The following PODNL1 variants were observed in gnomAD, a reference collection of about 807,000 sequenced individuals.
PODNL1 encodes podocan-like protein 1.
PODNL1 carries 50 observed loss-of-function variants against 45.1 expected under a neutral mutation model. The ratio of observed to expected loss-of-function variants is 1.11; its 90% CI spans 0.88 to 1.40. PODNL1 has a LOEUF of 1.40. Among genes scored for constraint, PODNL1 ranks in the 40% most tolerant of loss-of-function variants. The pLI is 0.00. For missense variants in PODNL1, 788 were observed against 793.3 expected (o/e 0.99, Z 0.08); for synonymous variants, 406 against 372.5 (o/e 1.09, Z -1.04).
In PODNL1 at chr19:13,932,043, G is replaced by T; in HGVS notation, c.1495C>A (p.His499Asn). The T allele has an allele frequency of 4.1e-6, 5 of 1,232,438 alleles. No homozygotes were observed. Among genetic ancestry groups the T allele is most frequent in the Non-Finnish European group, 5.1e-6 (5 of 988,156 alleles). 76.3% of individuals were successfully genotyped at this position (1,232,438 alleles called of 1,614,324 possible). A position where few individuals can be genotyped will look rare whatever the true frequency, so the allele number is the denominator to read the frequency against. The change falls in exon 9 of 10, where the codon CAC (histidine) becomes AAC (asparagine). Residue 499 changes from histidine to asparagine, a missense_variant. This residue lies in a region of PODNL1 where 762 missense variants were observed against 750.9 expected (regional missense o/e 1.01). Coordinates refer to ENST00000588872, the MANE Select transcript of PODNL1 (RefSeq NM_001370095.3). ...TGGCCGATGCGGTTGCCCTCGAGGT[G>T]CAGCTCCTCTAGGGCCTCAGGCAGG... ...PDLPEALEEL[H>N]LEGNRIGHVG...
Position 13,937,959 on chromosome 19 carries a change from G to A in PODNL1, c.51C>T (p.Val17=), listed in dbSNP as rs553770114. 2.5e-5 allele frequency: 39 copies of A among 1,542,274 alleles called. No homozygotes were observed. The African/African-American group carries it at 2.6e-4, about 10-fold the overall frequency. ...LLLLLPGPPP[V]AGLEDAAFPH... ...GGAAGGCAGCGTCTTCCAAGCCGGC[G>A]ACGGGCGGGGGCCCCGGCAACAGCA... The change falls in exon 2 of 10, where the codon GTC becomes GTT. Residue 17 remains valine, a synonymous_variant. Coordinates refer to ENST00000588872, the MANE Select transcript of PODNL1 (RefSeq NM_001370095.3).
upstream of PODNL1, among the ~76,000 whole-genome samples, chr19:13,943,087 G>A (rs539971252): frequency 7.2e-4 from 109 of 151,862 alleles, no homozygotes; most frequent in Admixed American, 2.3e-3. Flanking sequence ...ACCTGAGGTC[G>A]GGAGTTTGAG....
intron 1 of PODNL1, among the ~76,000 whole-genome samples, chr19:13,946,003 A>C (rs1165628494): frequency 6.6e-6 from 1 of 151,822 alleles, no homozygotes; most frequent in East Asian, 1.9e-4. Flanking sequence ...GTGCCACTGC[A>C]CTCCAACTTG....
chr19:13,941,536 C>A (rs1028383013), upstream of PODNL1, among the ~76,000 whole-genome samples: 1 of 151,424 alleles, frequency 6.6e-6, no homozygotes, highest in East Asian at 2.0e-4. Flanking sequence ...AGTGGCTGGG[C>A]GCAGTGGCCC....
chr19:13,948,817 G>A (rs981598514), intron 1 of PODNL1, among the ~76,000 whole-genome samples: 30 of 144,244 alleles, frequency 2.1e-4, no homozygotes, highest in Non-Finnish European at 3.9e-4. Context: ...GGTGGCAGGC[G>A]CCTGTAGTCC....
chr19:13,951,808 G>A (rs1310433364), intron 1 of PODNL1, among the ~76,000 whole-genome samples: 1 of 152,180 alleles, frequency 6.6e-6, no homozygotes, highest in Admixed American at 6.6e-5. Context: ...ATACGAATAT[G>A]ATGCACGGAG....
chr19:13,944,219 G>A lies in PODNL1; in HGVS notation c.19-6213C>T, dbSNP rs146333961. Among the ~76,000 whole-genome samples, 824 of 152,080 alleles carry A rather than the reference G, an allele frequency of 5.4e-3. 7 individuals carry two copies. The highest frequency in any genetic ancestry group is 0.019 in the African/African-American group (772 of 41,472). ...CTGTCACCCAGGCTGGAGTGCAGTG[G>A]CGCAATCTCGGCGGCTCACTGCAAG... On this transcript the variant is annotated intron_variant, in intron 1 of 7. Coordinates refer to the PODNL1 transcript ENST00000538371.
At chr19:13,943,922 CCTAT>C (rs1301971974) in intron 1 of PODNL1, among the ~76,000 whole-genome samples, 1 of 152,090 alleles carries the variant, frequency 6.6e-6, no homozygotes, top group Non-Finnish European at 1.5e-5. Flanking sequence ...AGGACATCTA[CCTAT>C]CTATTTGAGG....
At position 13,933,836 on chromosome 19, in the gene PODNL1, CTG is replaced by C; in HGVS notation, c.767+40_767+41del. ...GGGGACTGAAGGTTGGGACCCCCGA[CTG>C]TAAATTCTCAGCCCCTGCTGCCCCC... On this transcript the variant is annotated intron_variant, in intron 7 of 9. Transcript: ENST00000588872. This position sits in a 1 kb window ranked among gnomAD's most constrained non-coding sequence, Gnocchi z 5.2. The C allele has an allele frequency of 6.6e-7, 1 of 1,522,798 alleles. No individual in the cohort carries two copies. The allele number at this position is 1,522,798 out of a possible 1,614,324, so 94.3% of individuals were successfully genotyped here.
chr19:13,947,432 G>T lies in PODNL1; in HGVS notation c.18+5687C>A, dbSNP rs189079693. ...GGAGACGGAGGTTGCAGTGAGCTGA[G>T]ATCGCACCATTGCACTCCAGCCTGG... On this transcript the variant is annotated intron_variant, in intron 1 of 7. Transcript: ENST00000538371. Among the ~76,000 whole-genome samples, 740 of 150,440 alleles carry T rather than the reference G, an allele frequency of 4.9e-3. 6 individuals are homozygous for T. The highest frequency in any genetic ancestry group is 0.017 in the African/African-American group (694 of 40,872).
At chr19:13,950,206 C>T (rs528963726) in intron 1 of PODNL1, among the ~76,000 whole-genome samples, 16 of 152,206 alleles carry the variant, frequency 1.1e-4, no homozygotes, top group African/African-American at 3.4e-4. Context: ...CTCGCTCTGT[C>T]TCCCAGGCTG....
chr19:13,937,734 C>T (rs1468422037), intron 2 of PODNL1, 51 bp downstream of exon 2: 6 of 1,514,954 alleles, frequency 4.0e-6, no homozygotes, highest in Middle Eastern at 1.7e-4. Context: ...CAGCTCCCCT[C>T]ACCACTGGGT....
intron 1 of PODNL1, among the ~76,000 whole-genome samples, chr19:13,951,571 G>A (rs887098403): frequency 6.6e-6 from 1 of 152,090 alleles, no homozygotes; most frequent in African/African-American, 2.4e-5. Context: ...TCAGGAGTTC[G>A]CAACCAGCCT....
At chr19:13,935,004 G>A (rs552087740) in intron 5 of PODNL1, among the ~76,000 whole-genome samples, 7 of 151,980 alleles carry the variant, frequency 4.6e-5, no homozygotes, top group African/African-American at 1.7e-4. Context: ...GCATGAGTGT[G>A]TGCCTGTGTG....
intron 1 of PODNL1, chr19:13,952,726 G>T: frequency 7.7e-7 from 1 of 1,296,022 alleles, no homozygotes; most frequent in Non-Finnish European, 9.8e-7. Flanking sequence ...GGGCGTTCGC[G>T]GGGTGAGGGG....
intron 1 of PODNL1, chr19:13,952,700 G>A: frequency 7.7e-7 from 1 of 1,302,194 alleles, no homozygotes; most frequent in South Asian, 2.3e-5. Flanking sequence ...TAGGGACGAG[G>A]GAGGCGGAGG....
chr19:13,940,707 A>T (rs1039416423), upstream of PODNL1, among the ~76,000 whole-genome samples: 1 of 151,714 alleles, frequency 6.6e-6, no homozygotes, highest in African/African-American at 2.4e-5. Context: ...ACATGGCGAA[A>T]CCCTGTCTCT....
chr19:13,942,532 A>C (rs555671865), upstream of PODNL1, among the ~76,000 whole-genome samples: 47 of 152,160 alleles, frequency 3.1e-4, no homozygotes, highest in Non-Finnish European at 6.3e-4. Flanking sequence ...CCCTTCTGCC[A>C]CACTGTCCTG....
intron 1 of PODNL1, chr19:13,952,605 G>A: frequency 7.9e-7 from 1 of 1,266,594 alleles, no homozygotes. Context: ...CAGCAGGGCG[G>A]CGGCGGGAGC....
Sources: gnomAD v4.1 joint callset for allele counts (sites outside exome capture counted in the v4.1 genomes callset) on GRCh38, gnomAD v4.1.1 for gene constraint, gnomAD v4.1.1 regional missense constraint, Gnocchi (gnomAD v3.1) non-coding constraint, MANE v1.5 for transcripts, NCBI Gene and HGNC (gene_info 2026-07-23, HGNC 2026-07-21) for gene names.